Variants in SPMAP2 observed in about 807,000 individuals in gnomAD.
The protein encoded by SPMAP2 is sperm microtubule associated protein 2.
the SPMAP2 span, chr19:362,305 G>C: frequency 6.2e-7 from 1 of 1,609,728 alleles, no homozygotes; most frequent in Non-Finnish European, 8.5e-7. Flanking sequence ...TGAGGCCCTT[G>C]CGCACTTTGG....
chr19:366,973 C>A, the SPMAP2 span: 1 of 1,363,360 alleles, frequency 7.3e-7, no homozygotes, highest in Non-Finnish European at 1.0e-6. Context: ...TGGGGGAGAG[C>A]TTCCCTCTGC....
chr19:371,036 C>T, the SPMAP2 span, among the ~76,000 whole-genome samples: 54 of 152,278 alleles, frequency 3.5e-4, no homozygotes, highest in African/African-American at 1.1e-3. Flanking sequence ...GACCCCTGGG[C>T]GGCTCTGAAG....
the SPMAP2 span, among the ~76,000 whole-genome samples, chr19:363,755 G>A: frequency 5.9e-5 from 9 of 151,806 alleles, no homozygotes; most frequent in Admixed American, 1.3e-4. Context: ...GGCTGGTCTC[G>A]AACTCCTGAC....
chr19:362,765 TAAAAA>T, the SPMAP2 span, among the ~76,000 whole-genome samples: 1,757 of 57,432 alleles, frequency 0.031, 28 homozygotes, highest in African/African-American at 0.061. Flanking sequence ...GACTCCATCT[TAAAAA>T]AAAAAAAAAA....
At chr19:374,543 C>T in the SPMAP2 span, 2 of 1,397,940 alleles carry the variant, frequency 1.4e-6, no homozygotes, top group Non-Finnish European at 9.7e-7. Flanking sequence ...CCACCCGCCT[C>T]TCCTTTCCCT....
At chr19:362,414 T>C in the SPMAP2 span, 1 of 1,603,930 alleles carries the variant, frequency 6.2e-7, no homozygotes, top group African/African-American at 1.3e-5. Flanking sequence ...CTTGTCCGAC[T>C]GAGCTTTGGG....
At chr19:375,937 G>A in the SPMAP2 span, 3 of 1,449,214 alleles carry the variant, frequency 2.1e-6, no homozygotes, top group Non-Finnish European at 2.7e-6. Context: ...GAGCTGGGCT[G>A]GTTCCCGAGT....
the SPMAP2 span, among the ~76,000 whole-genome samples, chr19:371,850 T>G: frequency 6.6e-6 from 1 of 152,246 alleles, no homozygotes; most frequent in Admixed American, 6.5e-5. Flanking sequence ...TCATTGATTC[T>G]AAGGCAAGGT....
At chr19:374,066 G>A in the SPMAP2 span, 3 of 1,573,390 alleles carry the variant, frequency 1.9e-6, no homozygotes, top group African/African-American at 4.0e-5. Context: ...TCTCCCGTTT[G>A]CTCCCAAACT....
At chr19:370,553 T>C in the SPMAP2 span, among the ~76,000 whole-genome samples, 2 of 150,606 alleles carry the variant, frequency 1.3e-5, no homozygotes, top group Non-Finnish European at 3.0e-5. Flanking sequence ...GGTTTCACCA[T>C]GTTAGCCAGG....
At chr19:374,089 T>C in the SPMAP2 span, 1 of 1,528,130 alleles carries the variant, frequency 6.5e-7, no homozygotes, top group Non-Finnish European at 9.0e-7. Context: ...TCACTCTCCT[T>C]TGGCCACCGC....
At chr19:373,351 G>C in the SPMAP2 span, 1 of 922,196 alleles carries the variant, frequency 1.1e-6, no homozygotes, top group South Asian at 1.5e-5. Flanking sequence ...CAGTGGGGAG[G>C]ACAGAGGCTC....
At chr19:365,436 C>G in the SPMAP2 span, among the ~76,000 whole-genome samples, 1 of 152,166 alleles carries the variant, frequency 6.6e-6, no homozygotes, top group African/African-American at 2.4e-5. Context: ...TTCCAGCACT[C>G]CCGAGCAGCA....
the SPMAP2 span, among the ~76,000 whole-genome samples, chr19:370,180 C>T: frequency 6.6e-6 from 1 of 152,204 alleles, no homozygotes; most frequent in Non-Finnish European, 1.5e-5. Context: ...TGAGCTCAAT[C>T]CCGGCCCAGA....
chr19:373,677 G>GA, the SPMAP2 span: 4 of 717,308 alleles, frequency 5.6e-6, no homozygotes, highest in Non-Finnish European at 7.2e-6. Context: ...ACAGTGGGGG[G>GA]GCCGGCGGGA....
At chr19:362,227 C>T in the SPMAP2 span, 31 of 1,562,254 alleles carry the variant, frequency 2.0e-5, no homozygotes, top group Admixed American at 4.5e-4. Context: ...GTTGATCACA[C>T]TTTTCTGGTG....
At chr19:363,991 G>A in the SPMAP2 span, among the ~76,000 whole-genome samples, 1 of 152,064 alleles carries the variant, frequency 6.6e-6, no homozygotes, top group East Asian at 1.9e-4. Context: ...CATATGCACT[G>A]CCACATCGAG....
At chr19:370,422 A>C in the SPMAP2 span, among the ~76,000 whole-genome samples, 4 of 151,886 alleles carry the variant, frequency 2.6e-5, no homozygotes, top group Middle Eastern at 3.4e-3. Flanking sequence ...GCTCACTGCA[A>C]GCTCCGCCTC....
chr19:375,995 C>T, the SPMAP2 span: 239 of 1,383,904 alleles, frequency 1.7e-4, 1 homozygote, highest in East Asian at 2.5e-3. Flanking sequence ...CCAGCCCCCG[C>T]GGCCTCACTC....
Sources: allele counts gnomAD v4.1 joint callset (sites outside exome capture counted in the v4.1 genomes callset), GRCh38; gene constraint gnomAD v4.1.1; transcripts MANE v1.5; gene names NCBI Gene and HGNC (gene_info 2026-07-23, HGNC 2026-07-21).